IQCK: variants seen among roughly 807,000 people sequenced by gnomAD.
IQCK encodes IQ motif containing K.
Under a neutral mutation model 28.1 loss-of-function variants are expected in IQCK, and 29 were observed. The observed-to-expected ratio is 1.03, with a 90% CI of 0.77 to 1.41. The LOEUF (loss-of-function observed/expected upper bound fraction) is 1.41, where lower values mean the gene tolerates loss of function less well. IQCK is among the 40% of genes most tolerant of loss of function. The pLI is 0.00. For synonymous variants in IQCK, 113 were observed against 115.1 expected (o/e 0.98, Z 0.12); for missense variants, 359 against 314.7 (o/e 1.14, Z -1.07).
At chr16:19,857,083 C>G in exon 10 of IQCK, 1 of 179,398 alleles carries the variant, frequency 5.6e-6, no homozygotes, top group South Asian at 1.3e-4. Context: ...TAAACCCAGA[C>G]AGATGTAACA....
At chr16:19,786,278 G>A (rs1011274911) in intron 6 of IQCK, among the ~76,000 whole-genome samples, 9 of 152,120 alleles carry the variant, frequency 5.9e-5, no homozygotes, top group African/African-American at 2.2e-4. Context: ...GCCCGGGCGG[G>A]GCGGGTGGCT....
intron 4 of IQCK, among the ~76,000 whole-genome samples, chr16:19,756,653 G>A (rs766582488): frequency 1.3e-5 from 2 of 152,104 alleles, no homozygotes; most frequent in Admixed American, 6.5e-5. Flanking sequence ...TTGGGAGGCC[G>A]AGGCCAGCGG....
intron 7 of IQCK, among the ~76,000 whole-genome samples, chr16:19,793,723 C>G (rs1313898649): frequency 5.4e-5 from 4 of 73,638 alleles, no homozygotes; most frequent in African/African-American, 7.6e-5. Context: ...GCAAAGGGAC[C>G]CAAAACAGCC....
chr16:19,831,659 TAA>T (rs60105902), downstream of IQCK, among the ~76,000 whole-genome samples: 7 of 141,056 alleles, frequency 5.0e-5, no homozygotes, highest in Non-Finnish European at 1.6e-5. Flanking sequence ...TCAACTTCAT[TAA>T]AAAAAAAAAA....
At chr16:19,833,535 T>C (rs1316702820) in intron 9 of IQCK, among the ~76,000 whole-genome samples, 1 of 152,188 alleles carries the variant, frequency 6.6e-6, no homozygotes, top group Non-Finnish European at 1.5e-5. Context: ...TTCCTGGAGC[T>C]GAGACTTGAT....
chr16:19,763,030 A>AAAGC (rs1381825878), intron 4 of IQCK, among the ~76,000 whole-genome samples: 3 of 152,116 alleles, frequency 2.0e-5, no homozygotes, highest in Non-Finnish European at 4.4e-5. Context: ...AGAAAGAAAG[A>AAAGC]AAATCCTCTA....
intron 4 of IQCK, among the ~76,000 whole-genome samples, chr16:19,759,860 G>A (rs11646817): frequency 0.31 from 47,879 of 152,026 alleles, 11,106 homozygotes; most frequent in African/African-American, 0.66. Context: ...GTGCATGCCT[G>A]TAGTCCCAAC....
At chr16:19,838,164 G>A (rs1016842287) in intron 9 of IQCK, among the ~76,000 whole-genome samples, 2 of 152,228 alleles carry the variant, frequency 1.3e-5, no homozygotes, top group African/African-American at 4.8e-5. Context: ...TTTGGTGGCT[G>A]TTGCCGGGTT....
intron 4 of IQCK, among the ~76,000 whole-genome samples, chr16:19,741,383 A>G (rs1445032068): frequency 6.6e-6 from 1 of 152,220 alleles, no homozygotes; most frequent in Admixed American, 6.5e-5. Flanking sequence ...TTAAGATTTT[A>G]CATGAAGGTT....
At chr16:19,767,772 G>A (rs569327123) in intron 6 of IQCK, among the ~76,000 whole-genome samples, 33 of 151,938 alleles carry the variant, frequency 2.2e-4, no homozygotes, top group East Asian at 5.8e-4. Context: ...CAGGGACCAC[G>A]CCCTCCTCTA....
chr16:19,735,040 A>G (rs762197993), intron 3 of IQCK, among the ~76,000 whole-genome samples: 40 of 151,608 alleles, frequency 2.6e-4, no homozygotes, highest in Non-Finnish European at 7.4e-5. Context: ...ATTTCCTACC[A>G]CACTCCCCTT....
chr16:19,793,334 G>A (rs2055644214), intron 7 of IQCK, among the ~76,000 whole-genome samples: 1 of 30,724 alleles, frequency 3.3e-5, no homozygotes, highest in South Asian at 9.1e-4. Context: ...AAGGTTGCAG[G>A]ATACAAGATC....
exon 10 of IQCK, chr16:19,856,793 T>C (rs2056568218): frequency 8.2e-6 from 4 of 487,730 alleles, no homozygotes; most frequent in Non-Finnish European, 1.5e-5. Context: ...AGATTACTTC[T>C]TCAGTGCCTC....
chr16:19,767,037 A>G (rs1170786962), intron 6 of IQCK, among the ~76,000 whole-genome samples: 2 of 152,174 alleles, frequency 1.3e-5, no homozygotes, highest in Non-Finnish European at 2.9e-5. Context: ...GAAACGGGAA[A>G]AATTACCTTG....
intron 9 of IQCK, among the ~76,000 whole-genome samples, chr16:19,855,973 C>G (rs1304407270): frequency 6.6e-6 from 1 of 152,162 alleles, no homozygotes; most frequent in Non-Finnish European, 1.5e-5. Context: ...GAGCCATACC[C>G]TGTATGGAGC....
chr16:19,731,695 T>A (rs544180146), intron 2 of IQCK, among the ~76,000 whole-genome samples: 2 of 152,300 alleles, frequency 1.3e-5, no homozygotes, highest in African/African-American at 4.8e-5. Flanking sequence ...ATATTAGGGT[T>A]CTCCAGAGAG....
chr16:19,815,651 A>G (rs1325832870), intron 7 of IQCK, among the ~76,000 whole-genome samples: 2 of 152,238 alleles, frequency 1.3e-5, no homozygotes, highest in East Asian at 3.8e-4. Context: ...AGCCTGGGCA[A>G]CAGAGCAAGA....
At chr16:19,741,832 C>T (rs536609711) in intron 4 of IQCK, among the ~76,000 whole-genome samples, 11 of 152,104 alleles carry the variant, frequency 7.2e-5, no homozygotes, top group African/African-American at 2.2e-4. Context: ...ACTAAAAATA[C>T]CAAAATTAGC....
At chr16:19,852,869 G>C (rs535195368) in intron 9 of IQCK, among the ~76,000 whole-genome samples, 1 of 152,096 alleles carries the variant, frequency 6.6e-6, no homozygotes, top group African/African-American at 2.4e-5. Flanking sequence ...TGATCTGCCC[G>C]CCTCAGCCTC....
Sources: allele counts gnomAD v4.1 joint callset (sites outside exome capture counted in the v4.1 genomes callset), GRCh38; gene constraint gnomAD v4.1.1; transcripts MANE v1.5; gene names NCBI Gene and HGNC (gene_info 2026-07-23, HGNC 2026-07-21).